The following LRRC40 variants were observed in gnomAD, a reference collection of about 807,000 sequenced individuals.
The protein encoded by LRRC40 is leucine rich repeat containing 40, also known as leucine-rich repeat-containing protein 40.
Under a neutral mutation model 72.8 loss-of-function variants are expected in LRRC40, and 76 were observed. The observed-to-expected ratio is 1.04, with a 90% CI of 0.87 to 1.26. The LOEUF is 1.26. Among genes scored for constraint, LRRC40 ranks in the 50% most tolerant of loss-of-function variants. LRRC40 has a pLI of 0.00. For synonymous variants in LRRC40, 243 were observed against 254.2 expected (o/e 0.96, Z 0.42); for missense variants, 684 against 698.9 (o/e 0.98, Z 0.24).
intron 3 of LRRC40, among the ~76,000 whole-genome samples, chr1:70,185,382 G>A (rs972575728): frequency 2.6e-5 from 4 of 152,158 alleles, no homozygotes; most frequent in Admixed American, 6.5e-5. Flanking sequence ...TACTGTTCTC[G>A]TGGTAGTGAA....
intron 1 of LRRC40, among the ~76,000 whole-genome samples, chr1:70,200,090 G>C (rs986640299): frequency 6.6e-6 from 1 of 152,110 alleles, no homozygotes; most frequent in Non-Finnish European, 1.5e-5. Context: ...TACCATCTAA[G>C]AGCAAGAATC....
chr1:70,193,636 G>A (rs1025214852), intron 1 of LRRC40, among the ~76,000 whole-genome samples: 1 of 151,950 alleles, frequency 6.6e-6, no homozygotes, highest in Non-Finnish European at 1.5e-5. Context: ...GATGCCAAAA[G>A]CAGATAAATA....
chr1:70,183,186 C>T (rs1028897740), intron 4 of LRRC40, among the ~76,000 whole-genome samples: 7 of 152,062 alleles, frequency 4.6e-5, no homozygotes, highest in Non-Finnish European at 8.8e-5. Flanking sequence ...GGAGGATGTA[C>T]ACACAGCAAA....
chr1:70,150,942 A>T (rs1301874607), intron 13 of LRRC40, among the ~76,000 whole-genome samples, 186 bp downstream of exon 13: 1 of 152,236 alleles, frequency 6.6e-6, no homozygotes, highest in Non-Finnish European at 1.5e-5. Context: ...AAAATATGTT[A>T]GACATCAACT....
chr1:70,179,934 C>G (rs953164226), intron 5 of LRRC40, among the ~76,000 whole-genome samples: 3 of 151,722 alleles, frequency 2.0e-5, no homozygotes, highest in Non-Finnish European at 2.9e-5. Flanking sequence ...TAATCTAAAG[C>G]AAAACAACAC....
At chr1:70,171,068 T>C (rs954131323) in intron 9 of LRRC40, among the ~76,000 whole-genome samples, 1 of 152,136 alleles carries the variant, frequency 6.6e-6, no homozygotes, top group African/African-American at 2.4e-5. Flanking sequence ...TATAGTCAGT[T>C]GATTTTTTAC....
At chr1:70,156,739 T>C (rs971128142) in intron 10 of LRRC40, among the ~76,000 whole-genome samples, 1 of 152,120 alleles carries the variant, frequency 6.6e-6, no homozygotes, top group African/African-American at 2.4e-5. Context: ...GACAAAGGGA[T>C]GATTCATGTC....
At chr1:70,198,206 G>C (rs930172709) in intron 1 of LRRC40, among the ~76,000 whole-genome samples, 1 of 152,138 alleles carries the variant, frequency 6.6e-6, no homozygotes, top group Admixed American at 6.6e-5. Context: ...TAACCAAACT[G>C]CTCTCTTCAA....
intron 9 of LRRC40, among the ~76,000 whole-genome samples, chr1:70,161,367 A>G (rs1667757661): frequency 6.6e-6 from 1 of 151,768 alleles, no homozygotes; most frequent in Non-Finnish European, 1.5e-5. Context: ...TACAGGCGTG[A>G]GCCACCACGC....
intron 6 of LRRC40, among the ~76,000 whole-genome samples, chr1:70,178,556 C>T (rs576182901): frequency 3.8e-4 from 58 of 152,256 alleles, no homozygotes; most frequent in African/African-American, 1.4e-3. Context: ...TATTCCAGGT[C>T]TCCTACTTAC....
At chr1:70,194,826 A>C (rs1668574319) in intron 1 of LRRC40, among the ~76,000 whole-genome samples, 2 of 152,192 alleles carry the variant, frequency 1.3e-5, no homozygotes, top group African/African-American at 2.4e-5. Context: ...TCTGACCATG[A>C]AGCTACATTT....
chr1:70,188,146 T>C (rs1035917995), intron 2 of LRRC40, among the ~76,000 whole-genome samples: 2 of 152,102 alleles, frequency 1.3e-5, no homozygotes, highest in Non-Finnish European at 2.9e-5. Context: ...ATTTTACAAA[T>C]GAAGAAAATA....
chr1:70,189,026 C>A (rs1668430206), intron 2 of LRRC40, 66 bp downstream of exon 2: 14 of 1,417,010 alleles, frequency 9.9e-6, no homozygotes, highest in Non-Finnish European at 1.3e-5. Context: ...TTTCTGCTAC[C>A]AAAGCCTAAA....
chr1:70,180,946 C>G (rs149829158), intron 5 of LRRC40, 140 bp downstream of exon 5: 6 of 537,732 alleles, frequency 1.1e-5, no homozygotes, highest in African/African-American at 9.9e-5. Context: ...TGGAGAAAAT[C>G]TGACTAGTTG....
chr1:70,147,089 C>G (rs1203857066), intron 14 of LRRC40: 1 of 152,174 alleles, frequency 6.6e-6, no homozygotes, highest in African/African-American at 2.4e-5. Context: ...AACTTGCCTA[C>G]TCACTAAAGT....
chr1:70,178,823 A>G, intron 6 of LRRC40, 28 bp downstream of exon 6: 1 of 1,393,706 alleles, frequency 7.2e-7, no homozygotes, highest in East Asian at 2.5e-5. Flanking sequence ...TGGAAAATAT[A>G]GTTATTTAAT....
Position 70,173,664 on chromosome 1 carries a change from T to C in LRRC40, c.1023A>G (p.Leu341=). ...LGNLHLKFLA[L]EGNPLRTIRR... ...GAATTGTTCTCAAAGGATTTCCTTC[T>C]AATGCCAAAAATTTCAAATGAAGGT... The change falls in exon 8 of 15, where the codon TTA becomes TTG. Residue 341 remains leucine, a synonymous_variant. Coordinates refer to ENST00000370952, the MANE Select transcript of LRRC40 (RefSeq NM_017768.5). 6.4e-7 allele frequency: 1 copy of C among 1,573,124 alleles called. No individual in the cohort carries two copies. Among genetic ancestry groups the C allele is most frequent in the Non-Finnish European group, 8.7e-7 (1 of 1,153,082 alleles).
rs915868093 is a variant in LRRC40 at position 70,184,885 on chromosome 1, TC to T, written c.436del (p.Glu146LysfsTer5). On this transcript the variant is annotated frameshift_variant, in exon 4 of 15. Coordinates refer to ENST00000370952, the MANE Select transcript of LRRC40 (RefSeq NM_017768.5). LOFTEE classifies it high-confidence loss of function. ...SHNKLKILPE[E>X]ITNLRNLKCL... is the part of the protein sequence containing the mutation. ...CTTCAGGTTTCTTAGGTTTGTAATT[TC>T]TTCAGGGAGTATTTTCAGTTTATTA... 6.2e-7 allele frequency: 1 copy of T among 1,607,398 alleles called. No individual in the cohort carries two copies. Among genetic ancestry groups the T allele is most frequent in the Non-Finnish European group, 8.5e-7 (1 of 1,174,498 alleles).
rs544721248 is a variant in LRRC40, at chr1:70,161,422, G to A, written c.1112-1984C>T. On this transcript the variant is annotated intron_variant, in intron 9 of 14. Coordinates refer to ENST00000370952, the MANE Select transcript of LRRC40 (RefSeq NM_017768.5). Reference sequence around the variant, plus strand: ...TTTAAGAAATTTTTGGCCGGTGGCGGACGCCTGTAGTCCCAGCTACTAGGG... The same window carrying A: ...TTTAAGAAATTTTTGGCCGGTGGCGAACGCCTGTAGTCCCAGCTACTAGGG... 8.9e-4 allele frequency among the ~76,000 whole-genome samples: 135 copies of A among 151,456 alleles called. 1 individual carries two copies. Among genetic ancestry groups the A allele is most frequent in the South Asian group, 5.6e-3 (27 of 4,798 alleles).
Sources: allele counts gnomAD v4.1 joint callset (sites outside exome capture counted in the v4.1 genomes callset), GRCh38; gene constraint gnomAD v4.1.1; transcripts MANE v1.5; gene names NCBI Gene and HGNC (gene_info 2026-07-23, HGNC 2026-07-21).